The following AKT3 variants were observed in gnomAD, a reference collection of about 807,000 sequenced individuals.
AKT3 encodes AKT serine/threonine kinase 3, also known as RAC-gamma serine/threonine-protein kinase.
Under a neutral mutation model 65.3 loss-of-function variants are expected in AKT3, and 15 were observed. The ratio of observed to expected loss-of-function variants is 0.23; its 90% CI spans 0.15 to 0.35. The LOEUF (loss-of-function observed/expected upper bound fraction) is 0.35. AKT3 is among the 10% of genes least tolerant of loss of function. The pLI, the probability that AKT3 is intolerant of heterozygous loss-of-function variation, is 1.00. For synonymous variants in AKT3, 206 were observed against 183.8 expected, an observed-to-expected ratio of 1.12 and a Z score of -0.98; for missense variants, 243 against 576.5, an observed-to-expected ratio of 0.42 and a Z score of 5.92.
chr1:243,751,233 C>T, intron 2 of AKT3, among the ~76,000 whole-genome samples: 1 of 152,176 alleles, frequency 6.6e-6, no homozygotes, highest in East Asian at 1.9e-4. Flanking sequence ...AGCCTCTATA[C>T]AACTTTTATA....
chr1:243,592,493 C>G (rs998182215), intron 8 of AKT3, among the ~76,000 whole-genome samples: 1 of 151,658 alleles, frequency 6.6e-6, no homozygotes, highest in African/African-American at 2.4e-5. Flanking sequence ...ACATGAAGCA[C>G]AGAGGAACAA....
intron 1 of AKT3, among the ~76,000 whole-genome samples, chr1:243,845,183 T>C (rs932379474): frequency 6.6e-6 from 1 of 151,884 alleles, no homozygotes; most frequent in East Asian, 2.0e-4. Context: ...AAACATTCTC[T>C]AGACAGCCTG....
At chr1:243,713,198 A>G (rs1482559841) in intron 2 of AKT3, among the ~76,000 whole-genome samples, 2 of 152,216 alleles carry the variant, frequency 1.3e-5, no homozygotes, top group Middle Eastern at 3.2e-3. Context: ...TCCTTCATCA[A>G]AAGCTCCTCT....
intron 12 of AKT3, among the ~76,000 whole-genome samples, chr1:243,529,236 T>C (rs1671358687): frequency 6.6e-6 from 1 of 151,996 alleles, no homozygotes; most frequent in Non-Finnish European, 1.5e-5. Flanking sequence ...GCAAATATTT[T>C]CTCCCATTCT....
At chr1:243,738,928 C>T (rs568937494) in intron 2 of AKT3, among the ~76,000 whole-genome samples, 2 of 152,272 alleles carry the variant, frequency 1.3e-5, no homozygotes, top group African/African-American at 4.8e-5. Flanking sequence ...CGCTACCATA[C>T]ATTTTCTTGT....
chr1:243,750,920 AAAT>A (rs1326183737), intron 2 of AKT3, among the ~76,000 whole-genome samples: 2 of 152,182 alleles, frequency 1.3e-5, no homozygotes, highest in African/African-American at 4.8e-5. Flanking sequence ...CATTAAAAAG[AAAT>A]AATGTTTTTT....
At chr1:243,654,645 T>A (rs1201522869) in intron 4 of AKT3, among the ~76,000 whole-genome samples, 1 of 152,174 alleles carries the variant, frequency 6.6e-6, no homozygotes, top group Non-Finnish European at 1.5e-5. Flanking sequence ...TGAAAATATT[T>A]TCATTTTACT....
intron 8 of AKT3, among the ~76,000 whole-genome samples, chr1:243,595,624 A>G (rs1053732199): frequency 2.0e-4 from 31 of 152,086 alleles, no homozygotes; most frequent in Non-Finnish European, 3.8e-4. Context: ...AACGTCTTTA[A>G]CTTTTGGTTA....
At chr1:243,627,398 T>G (rs979025077) in intron 6 of AKT3, among the ~76,000 whole-genome samples, 4 of 152,070 alleles carry the variant, frequency 2.6e-5, no homozygotes, top group Non-Finnish European at 4.4e-5. Flanking sequence ...GGTCCCAATC[T>G]CAGGAAAAAA....
At chr1:243,568,278 G>A (rs755621000) in intron 9 of AKT3, among the ~76,000 whole-genome samples, 1 of 152,128 alleles carries the variant, frequency 6.6e-6, no homozygotes, top group Non-Finnish European at 1.5e-5. Context: ...ATGGAGAGTA[G>A]GGCAGCATGC....
intron 13 of AKT3, chr1:243,489,050 C>T (rs780984764): frequency 1.2e-6 from 2 of 1,613,436 alleles, no homozygotes; most frequent in South Asian, 2.2e-5. Context: ...AGGCCACAGC[C>T]CAGCAGCTGG....
chr1:243,547,712 G>C (rs1672771250), intron 11 of AKT3, among the ~76,000 whole-genome samples: 3 of 152,064 alleles, frequency 2.0e-5, no homozygotes, highest in Admixed American at 2.0e-4. Flanking sequence ...ATGAATTCTG[G>C]TTATTAGATC....
At chr1:243,640,167 T>G (rs1680265250) in intron 5 of AKT3, among the ~76,000 whole-genome samples, 1 of 152,184 alleles carries the variant, frequency 6.6e-6, no homozygotes, top group African/African-American at 2.4e-5. Context: ...ATATATTAAT[T>G]CAACTAAAAA....
chr1:243,496,152 A>T (rs1414431980), downstream of AKT3, among the ~76,000 whole-genome samples: 2 of 152,236 alleles, frequency 1.3e-5, no homozygotes, highest in Non-Finnish European at 2.9e-5. Context: ...TTTTGTACAG[A>T]TAGAAAAATA....
chr1:243,635,419 T>TA (rs1468146189), intron 6 of AKT3, among the ~76,000 whole-genome samples: 1 of 149,954 alleles, frequency 6.7e-6, no homozygotes, highest in Admixed American at 6.6e-5. Flanking sequence ...GAAAAAAAAA[T>TA]AAAGATTAAA....
At chr1:243,793,261 T>G (rs1409917372) in intron 2 of AKT3, 1 of 152,172 alleles carries the variant, frequency 6.6e-6, no homozygotes, top group South Asian at 2.1e-4. Context: ...AAATTTTTTT[T>G]ACATATTTTT....
intron 13 of AKT3, among the ~76,000 whole-genome samples, chr1:243,489,450 C>A (rs1438226856): frequency 1.3e-5 from 2 of 152,318 alleles, no homozygotes; most frequent in East Asian, 1.9e-4. Context: ...AGCGGGAGGA[C>A]GGCCGTGGGC....
intron 2 of AKT3, chr1:243,814,659 T>C (rs534361080): frequency 3.3e-5 from 5 of 152,412 alleles, no homozygotes; most frequent in African/African-American, 9.6e-5. Context: ...CCTGCCTCTG[T>C]TGCCAGGCTG....
intron 3 of AKT3, among the ~76,000 whole-genome samples, chr1:243,689,909 T>C (rs1343290456): frequency 2.0e-5 from 3 of 152,072 alleles, no homozygotes; most frequent in Non-Finnish European, 4.4e-5. Context: ...TGTGCCACTG[T>C]ACTCCAGCCT....
Sources: allele counts gnomAD v4.1 joint callset (sites outside exome capture counted in the v4.1 genomes callset), GRCh38; gene constraint gnomAD v4.1.1; transcripts MANE v1.5; gene names NCBI Gene and HGNC (gene_info 2026-07-23, HGNC 2026-07-21).